Variants in CACNA1C observed in about 807,000 individuals in gnomAD.
The protein encoded by CACNA1C is calcium voltage-gated channel subunit alpha1 C.
CACNA1C carries 30 observed loss-of-function variants against 229.0 expected under a neutral mutation model. The ratio of observed to expected loss-of-function variants is 0.13; its 90% CI spans 0.10 to 0.18. The LOEUF (loss-of-function observed/expected upper bound fraction) is 0.18, where lower values mean the gene tolerates loss of function less well. Among genes scored for constraint, CACNA1C ranks in the 10% least tolerant of loss-of-function variants. The probability of loss-of-function intolerance (pLI) is 1.00; values close to 1 mark genes in which losing one functional copy is unlikely to be tolerated. For missense variants in CACNA1C, 1,658 were observed against 2,845.0 expected (o/e 0.58, Z 9.49); for synonymous variants, 1,114 against 1,132.5 (o/e 0.98, Z 0.33).
Position 2,410,073 on chromosome 12 carries a change from T to C in CACNA1C, c.478-38903T>C, listed in dbSNP as rs543368591. Among the ~76,000 whole-genome samples, 1 of 152,294 alleles carries C rather than the reference T, an allele frequency of 6.6e-6. No individual in the cohort carries two copies. The highest frequency in any genetic ancestry group is 1.5e-5 in the Non-Finnish European group (1 of 68,012). ...CATCCTCACCTGCCAGCCGCGGGCC[T>C]CAGCAAGCTGGCAGCTTCGTCCTCT... On this transcript the variant is annotated intron_variant, in intron 3 of 46. Transcript: ENST00000399655. The surrounding 1 kb of genome is among the most constrained non-coding windows in gnomAD (Gnocchi z 5.3).
intron 1 of CACNA1C, among the ~76,000 whole-genome samples, chr12:2,036,041 T>C (rs1387103264): frequency 6.6e-6 from 1 of 152,228 alleles, no homozygotes; most frequent in Admixed American, 6.5e-5. Flanking sequence ...TTATTTTCTT[T>C]ACTGGTAAAT....
chr12:2,534,426 G>A (rs1473072059), intron 9 of CACNA1C, among the ~76,000 whole-genome samples: 1 of 152,260 alleles, frequency 6.6e-6, no homozygotes, highest in East Asian at 1.9e-4. Context: ...TCCTCCAGAA[G>A]ATGAGAGAAT....
In CACNA1C at chr12:2,488,226, CT is replaced by C. The variant is rs2099704583; in HGVS notation, c.916+1965del. On this transcript the variant is annotated intron_variant, in intron 6 of 46. Coordinates refer to ENST00000399655, the MANE Select transcript of CACNA1C (RefSeq NM_000719.7). This position sits in a 1 kb window ranked among gnomAD's most constrained non-coding sequence, Gnocchi z 4.0. ...CGAGAAAGCAGTCCAAGAGTGTTTT[CT>C]GCCGGTGGTGGGCTCCTGCAAGGGC... Among the ~76,000 whole-genome samples the C allele has an allele frequency of 6.6e-6, 1 of 152,238 alleles. No individual in the cohort carries two copies. The highest frequency in any genetic ancestry group is 1.5e-5 in the Non-Finnish European group (1 of 68,042).
chr12:2,149,652 A>C (rs1368644904), intron 3 of CACNA1C, among the ~76,000 whole-genome samples: 1 of 152,202 alleles, frequency 6.6e-6, no homozygotes, highest in African/African-American at 2.4e-5. Context: ...CCCTTGAGTA[A>C]GAGACAATGA....
At chr12:2,642,304 A>G (rs1451937262) in intron 30 of CACNA1C, among the ~76,000 whole-genome samples, 1 of 152,076 alleles carries the variant, frequency 6.6e-6, no homozygotes, top group African/African-American at 2.4e-5. Context: ...TTATCAACCC[A>G]CATACGGCCC....
intron 3 of CACNA1C, among the ~76,000 whole-genome samples, chr12:2,185,086 G>A (rs1218765852): frequency 1.3e-5 from 2 of 152,148 alleles, no homozygotes; most frequent in African/African-American, 4.8e-5. Context: ...ACCATGCTGT[G>A]GCCAAGCAGC....
intron 3 of CACNA1C, among the ~76,000 whole-genome samples, chr12:2,177,634 C>CTCTTTCTTTCTTTCTTTCTT (rs755417751): frequency 2.6e-4 from 29 of 112,974 alleles, no homozygotes; most frequent in African/African-American, 1.0e-3. Flanking sequence ...CCTTCTCTCT[C>CTCTTTCTTTCTTTCTTTCTT]TCTTTCTTTC....
intron 29 of CACNA1C, among the ~76,000 whole-genome samples, chr12:2,629,478 G>A (rs2089272254): frequency 6.6e-6 from 1 of 152,228 alleles, no homozygotes; most frequent in African/African-American, 2.4e-5. Context: ...TTGTGGATGG[G>A]AGCAGAAGAA....
rs1018827954 is a variant in CACNA1C, at chr12:2,116,468, C to T, written c.371+923C>T. 4.6e-5 allele frequency among the ~76,000 whole-genome samples: 7 copies of T among 151,892 alleles called. No homozygotes were observed. The South Asian group carries it at 1.5e-3, about 32-fold the overall frequency. Reference sequence around the variant, plus strand: ...CTCACTGCAAGCTCCTGGGTTCGCACCATTGTCCTGCCTCAGCCTCCTGTA... The same window carrying T: ...CTCACTGCAAGCTCCTGGGTTCGCATCATTGTCCTGCCTCAGCCTCCTGTA... On this transcript the variant is annotated intron_variant, in intron 2 of 46. Coordinates refer to ENST00000399655, the MANE Select transcript of CACNA1C (RefSeq NM_000719.7).
rs2099766594 is a variant in CACNA1C at position 2,504,160 on chromosome 12, T to C, written c.1114-682T>C. Among the ~76,000 whole-genome samples the C allele has an allele frequency of 6.6e-6, 1 of 152,190 alleles. No homozygotes were observed. Among genetic ancestry groups the C allele is most frequent in the African/African-American group, 2.4e-5 (1 of 41,458 alleles). On this transcript the variant is annotated intron_variant, in intron 7 of 46. Coordinates refer to ENST00000399655, the MANE Select transcript of CACNA1C (RefSeq NM_000719.7). This position sits in a 1 kb window ranked among gnomAD's most constrained non-coding sequence, Gnocchi z 6.8. ...TGACCCATTTTCTCAGACAAGTGAA[T>C]AGAAAACATTGGAGAAATGTTTCTT...
At chr12:2,686,057 G>A (rs892265955) in intron 44 of CACNA1C, 109 bp from the exon 45 acceptor site, 11 of 965,528 alleles carry the variant, frequency 1.1e-5, no homozygotes, top group Non-Finnish European at 1.7e-5. Flanking sequence ...GAAAGGAGGA[G>A]CGTCTCGGGC....
At chr12:2,253,366 G>T (rs1237602133) in intron 3 of CACNA1C, among the ~76,000 whole-genome samples, 1 of 152,158 alleles carries the variant, frequency 6.6e-6, no homozygotes, top group Non-Finnish European at 1.5e-5. Flanking sequence ...TTCTTAATTG[G>T]TTCTGAGTTT....
rs2154427435 is a variant in CACNA1C at position 2,275,402 on chromosome 12, C to T, written c.477+154972C>T. On this transcript the variant is annotated intron_variant, in intron 3 of 46. Transcript: ENST00000399655. The surrounding 1 kb of genome is among the most constrained non-coding windows in gnomAD (Gnocchi z 4.1). ...GCTGTGTCTTCCCGGAAGGCTCGTGCCCGCACAGATTGTCTGGTGAGCCCG... is the reference window on the plus strand; with the variant it reads ...GCTGTGTCTTCCCGGAAGGCTCGTGTCCGCACAGATTGTCTGGTGAGCCCG... Among the ~76,000 whole-genome samples, 1 of 152,232 alleles carries T rather than the reference C, an allele frequency of 6.6e-6. No homozygotes were observed. The highest frequency in any genetic ancestry group is 2.4e-5 in the African/African-American group (1 of 41,514).
At chr12:1,977,711 ATGG>A (rs1275497942) in intron 1 of CACNA1C, among the ~76,000 whole-genome samples, 2 of 152,240 alleles carry the variant, frequency 1.3e-5, no homozygotes, top group African/African-American at 4.8e-5. Context: ...CAATTAATTA[ATGG>A]TAACATAGTG....
chr12:2,411,754 C>T (rs1277858953), intron 3 of CACNA1C, among the ~76,000 whole-genome samples: 1 of 152,222 alleles, frequency 6.6e-6, no homozygotes, highest in Non-Finnish European at 1.5e-5. Context: ...CCCAGCGCTG[C>T]TGTCTGTCCA....
intron 3 of CACNA1C, among the ~76,000 whole-genome samples, chr12:2,183,292 TAGG>T (rs1258292133): frequency 6.6e-6 from 1 of 152,086 alleles, no homozygotes; most frequent in African/African-American, 2.4e-5. Context: ...CCTGACCTTG[TAGG>T]AGAACAGAGC....
In CACNA1C at chr12:2,053,462, C is replaced by T. The variant is rs894123579; in HGVS notation, c.-101C>T. ...GGCTTCCTCGAATCTTGCGCGAAAG[C>T]CGCCGGCCTCGGAGGAGGGATTAAT... On this transcript the variant is annotated 5_prime_UTR_variant, in exon 1 of 47. Coordinates refer to ENST00000399655, the MANE Select transcript of CACNA1C (RefSeq NM_000719.7). This position sits in a 1 kb window ranked among gnomAD's most constrained non-coding sequence, Gnocchi z 5.8. The T allele has an allele frequency of 4.7e-6, 7 of 1,483,216 alleles. No individual in the cohort carries two copies. Among genetic ancestry groups the T allele is most frequent in the Non-Finnish European group, 6.3e-6 (7 of 1,109,492 alleles). The allele number at this position is 1,483,216 out of a possible 1,614,324, so 91.9% of individuals were successfully genotyped here. A position where few individuals can be genotyped will look rare whatever the true frequency, so the allele number is the denominator to read the frequency against.
At chr12:2,196,760 G>C (rs1264333823) in intron 3 of CACNA1C, among the ~76,000 whole-genome samples, 1 of 152,216 alleles carries the variant, frequency 6.6e-6, no homozygotes, top group African/African-American at 2.4e-5. Flanking sequence ...AGGAGCAAGA[G>C]GTCACTGGGT....
At chr12:2,261,211 G>A (rs1376677933) in intron 3 of CACNA1C, among the ~76,000 whole-genome samples, 2 of 150,722 alleles carry the variant, frequency 1.3e-5, no homozygotes, top group African/African-American at 4.9e-5. Context: ...CAGCCTGGGT[G>A]ACAGAGCGAG....
Sources: allele counts gnomAD v4.1 joint callset (sites outside exome capture counted in the v4.1 genomes callset), GRCh38; gene constraint gnomAD v4.1.1; non-coding constraint Gnocchi (gnomAD v3.1); transcripts MANE v1.5; gene names NCBI Gene and HGNC (gene_info 2026-07-23, HGNC 2026-07-21).